Variants in GNAT3 observed in about 807,000 individuals in gnomAD.
GNAT3 encodes the protein guanine nucleotide-binding protein G(t) subunit alpha-3.
In GNAT3, 31 loss-of-function variants were observed where a neutral mutation model predicts 37.7. The ratio of observed to expected loss-of-function variants is 0.82; its 90% CI spans 0.62 to 1.11. The LOEUF is 1.11. Among genes scored for constraint, GNAT3 ranks in the 50% most tolerant of loss-of-function variants. The pLI is 0.00. For synonymous variants in GNAT3, 138 were observed against 139.8 expected, an observed-to-expected ratio of 0.99 and a Z score of 0.09; for missense variants, 437 against 412.5, an observed-to-expected ratio of 1.06 and a Z score of -0.51.
At chr7:80,502,401 A>G (rs1346108016) in intron 1 of GNAT3, among the ~76,000 whole-genome samples, 3 of 152,094 alleles carry the variant, frequency 2.0e-5, no homozygotes, top group Admixed American at 2.0e-4. Flanking sequence ...AAAAATGACA[A>G]CACTAAAATA....
intron 1 of GNAT3, among the ~76,000 whole-genome samples, chr7:80,510,525 T>A (rs1791046556): frequency 6.6e-6 from 1 of 152,204 alleles, no homozygotes; most frequent in Admixed American, 6.5e-5. Context: ...TTGCTTTTCC[T>A]GTGTCCATAT....
Position 80,478,912 on chromosome 7 carries a change from C to T in GNAT3, c.390G>A (p.Leu130=). Residue 130 remains leucine (L), a synonymous_variant, in exon 4 of 8, where the codon CTG becomes CTA. Coordinates refer to ENST00000398291, the MANE Select transcript of GNAT3 (RefSeq NM_001102386.3). Reference sequence around the variant, plus strand: ...AGGCCTGAATTCCTGGATCTCTCCACAGCCGTTTTATTACCTCAGCCAGTT... The same window carrying T: ...AGGCCTGAATTCCTGGATCTCTCCATAGCCGTTTTATTACCTCAGCCAGTT... ...TPQLAEVIKR[L]WRDPGIQACF... 6.2e-7 allele frequency: 1 copy of T among 1,613,410 alleles called. No individual in the cohort carries two copies. Among genetic ancestry groups the T allele is most frequent in the Non-Finnish European group, 8.5e-7 (1 of 1,179,550 alleles).
chr7:80,511,682 TC>T, intron 1 of GNAT3, 126 bp downstream of exon 1: 1 of 585,986 alleles, frequency 1.7e-6, no homozygotes, highest in South Asian at 2.4e-5. Flanking sequence ...TCCTTAAGTT[TC>T]CAAACACATT....
chr7:80,472,181 T>C (rs1189541572), intron 5 of GNAT3, among the ~76,000 whole-genome samples: 1 of 152,190 alleles, frequency 6.6e-6, no homozygotes, highest in Non-Finnish European at 1.5e-5. Flanking sequence ...GCAGTGGCTA[T>C]GGCTCACCCT....
intron 5 of GNAT3, among the ~76,000 whole-genome samples, chr7:80,468,501 AT>A (rs372520887): frequency 5.6e-4 from 85 of 152,184 alleles, no homozygotes; most frequent in South Asian, 4.1e-3. Flanking sequence ...GTAGGAATTT[AT>A]TTTAAGGTAT....
intron 5 of GNAT3, among the ~76,000 whole-genome samples, chr7:80,472,227 C>T (rs79406193): frequency 0.028 from 4,212 of 152,142 alleles, 193 homozygotes; most frequent in African/African-American, 0.095. Context: ...TTGCATTTCT[C>T]CTCAACTCTG....
intron 3 of GNAT3, among the ~76,000 whole-genome samples, chr7:80,484,994 A>G (rs1790453026): frequency 1.3e-5 from 2 of 152,018 alleles, no homozygotes. Context: ...TCTAAATCCA[A>G]TAGATTCTAT....
chr7:80,500,701 C>T (rs1165675312), intron 1 of GNAT3, among the ~76,000 whole-genome samples: 1 of 151,984 alleles, frequency 6.6e-6, no homozygotes, highest in Non-Finnish European at 1.5e-5. Flanking sequence ...AAATTCTCTT[C>T]TATTTCTACT....
Position 80,462,295 on chromosome 7 carries a change from G to T in GNAT3, c.738C>A (p.Ser246Arg). The T allele has an allele frequency of 6.2e-7, 1 of 1,612,902 alleles. No homozygotes were observed. Among genetic ancestry groups the T allele is most frequent in the Non-Finnish European group, 8.5e-7 (1 of 1,179,156 alleles). ...TACAGATACTGTTGAACAGGTGAAG[G>T]CTTTCATGCATTCTATTCTGTTAGG... ...EDEEVNRMHE[S>R]LHLFNSICNH... Residue 246 changes from serine to arginine, a missense_variant, in exon 7 of 8, where the codon AGC becomes AGA. By Grantham distance (110) the Ser-to-Arg change is moderately radical. Transcript: ENST00000398291.
At chr7:80,474,053 G>A (rs898176711) in intron 5 of GNAT3, among the ~76,000 whole-genome samples, 198 bp downstream of exon 5, 5 of 152,104 alleles carry the variant, frequency 3.3e-5, no homozygotes, top group African/African-American at 1.2e-4. Context: ...TGGAAGGAGG[G>A]ATGAGGCTCA....
Position 80,478,824 on chromosome 7 carries a change from A to G in GNAT3, c.461+17T>C, listed in dbSNP as rs752605372. On this transcript the variant is annotated intron_variant, in intron 4 of 7. Transcript: ENST00000398291. ...AAATGTTTTACCTCCAATTCCCCTT[A>G]AAGTGAATTCACTTACTAAGCTGCT... 4 of 1,610,012 alleles carry G rather than the reference A, an allele frequency of 2.5e-6. No homozygotes were observed. In the East Asian group the frequency reaches 8.9e-5, roughly 36 times the overall value.
intron 5 of GNAT3, among the ~76,000 whole-genome samples, chr7:80,466,352 G>T (rs1297859777): frequency 1.3e-5 from 2 of 151,962 alleles, no homozygotes; most frequent in Non-Finnish European, 2.9e-5. Flanking sequence ...CATTCCGATT[G>T]ATATTTGTAT....
At chr7:80,506,401 A>G (rs1790941300) in intron 1 of GNAT3, among the ~76,000 whole-genome samples, 1 of 152,194 alleles carries the variant, frequency 6.6e-6, no homozygotes, top group African/African-American at 2.4e-5. Context: ...AATGCATCTA[A>G]AACAATCAGT....
At position 80,478,951 on chromosome 7, in the gene GNAT3, A is replaced by G. The variant is rs775403480; in HGVS notation, c.351T>C (p.Gly117=). The G allele has an allele frequency of 2.5e-6, 4 of 1,612,900 alleles. No individual in the cohort carries two copies. In the African/African-American group the frequency reaches 5.3e-5, roughly 22 times the overall value. The part of the protein sequence containing the change: ...LYAMANTLED[G]GMTPQLAEVI... ...CCTCAGCCAGTTGAGGTGTCATGCC[A>G]CCATCTTCCAGGGTATTTGCCATTG... The change falls in exon 4 of 8, where the codon GGT becomes GGC. Residue 117 remains glycine (G), a synonymous_variant. Transcript: ENST00000398291.
chr7:80,492,369 A>G (rs1790611478), intron 2 of GNAT3, among the ~76,000 whole-genome samples: 1 of 143,314 alleles, frequency 7.0e-6, no homozygotes, highest in South Asian at 2.1e-4. Flanking sequence ...ATAAATAAAT[A>G]AAATAAAATA....
Position 80,488,680 on chromosome 7 carries a change from TAATTTAA to T in GNAT3, c.162-11_162-5del. On this transcript the variant is annotated splice_polypyrimidine_tract_variant and splice_region_variant and intron_variant, in intron 2 of 7. Coordinates refer to ENST00000398291, the MANE Select transcript of GNAT3 (RefSeq NM_001102386.3). ...GTAACCATTCTTATGGATGATCCTATAATTTAAACATGAAAAGTTTCTGTGAGTTGAA... is the reference window on the plus strand; with the variant it reads ...GTAACCATTCTTATGGATGATCCTATACATGAAAAGTTTCTGTGAGTTGAA... 6.4e-7 allele frequency: 1 copy of T among 1,562,330 alleles called. No individual in the cohort carries two copies. Among genetic ancestry groups the T allele is most frequent in the Non-Finnish European group, 8.7e-7 (1 of 1,149,550 alleles).
intron 7 of GNAT3, among the ~76,000 whole-genome samples, chr7:80,461,548 G>A (rs887139729): frequency 6.6e-6 from 1 of 151,704 alleles, no homozygotes; most frequent in South Asian, 2.1e-4. Context: ...TTTTTCTTAT[G>A]TAATTTTATT....
rs186722477 is a variant in GNAT3 at position 80,467,985 on chromosome 7, A to C, written c.591-5354T>G. On this transcript the variant is annotated intron_variant, in intron 5 of 7. Coordinates refer to ENST00000398291, the MANE Select transcript of GNAT3 (RefSeq NM_001102386.3). ...AGGGATAATATGTATTTTGTTATTA[A>C]GTCTGACACTTGATGGACTTCTTAA... Among the ~76,000 whole-genome samples the C allele has an allele frequency of 2.4e-3, 371 of 152,088 alleles. 16 individuals carry two copies. In the South Asian group the frequency reaches 0.058, roughly 24 times the overall value.
intron 5 of GNAT3, among the ~76,000 whole-genome samples, chr7:80,469,286 A>G (rs1562720907): frequency 6.6e-6 from 1 of 152,124 alleles, no homozygotes; most frequent in East Asian, 1.9e-4. Flanking sequence ...CTTAGCTCCC[A>G]TATAGTTTTA....
Sources: gnomAD v4.1 joint callset for allele counts (sites outside exome capture counted in the v4.1 genomes callset) on GRCh38, gnomAD v4.1.1 for gene constraint, MANE v1.5 for transcripts, NCBI Gene and HGNC (gene_info 2026-07-23, HGNC 2026-07-21) for gene names.